Variants in RBFOX1 observed in about 807,000 individuals in gnomAD.
RBFOX1 encodes RNA binding fox-1 homolog 1, also known as RNA binding protein fox-1 homolog 1.
In RBFOX1, 8 loss-of-function variants were observed where a neutral mutation model predicts 57.7. The ratio of observed to expected loss-of-function variants is 0.14; its 90% confidence interval spans 0.08 to 0.25. The LOEUF (loss-of-function observed/expected upper bound fraction) is 0.25. Among genes scored for constraint, RBFOX1 ranks in the 10% least tolerant of loss-of-function variants. RBFOX1 has a pLI of 1.00. For synonymous variants in RBFOX1, 326 were observed against 222.4 expected, an observed-to-expected ratio of 1.47 and a Z score of -4.15; for missense variants, 611 against 548.5, an observed-to-expected ratio of 1.11 and a Z score of -1.14.
intron 3 of RBFOX1, among the ~76,000 whole-genome samples, chr16:5,764,553 G>C (rs1316081329): frequency 6.6e-6 from 1 of 152,148 alleles, no homozygotes; most frequent in Non-Finnish European, 1.5e-5. Context: ...ATTTCTCTAA[G>C]ATGCTAGAGA....
intron 2 of RBFOX1, among the ~76,000 whole-genome samples, chr16:6,563,892 ATATG>A (rs1265078656): frequency 6.6e-6 from 1 of 151,366 alleles, no homozygotes; most frequent in African/African-American, 2.4e-5. Flanking sequence ...GTGTGTGTGT[ATATG>A]TGCGTATATG....
intron 2 of RBFOX1, among the ~76,000 whole-genome samples, chr16:6,535,920 G>T (rs537605746): frequency 6.6e-6 from 1 of 152,226 alleles, no homozygotes; most frequent in Non-Finnish European, 1.5e-5. Context: ...TCTCCCTCTA[G>T]AGATGACACT....
intron 2 of RBFOX1, among the ~76,000 whole-genome samples, chr16:6,451,779 C>T (rs1430072373): frequency 6.6e-6 from 1 of 152,170 alleles, no homozygotes; most frequent in African/African-American, 2.4e-5. Context: ...CCCTGTGCTG[C>T]TCTTCCTCCC....
At chr16:6,931,102 C>G (rs1026120447) in intron 3 of RBFOX1, among the ~76,000 whole-genome samples, 2 of 151,932 alleles carry the variant, frequency 1.3e-5, no homozygotes, top group African/African-American at 2.4e-5. Flanking sequence ...TGAATAAATA[C>G]TTATTGATTT....
At chr16:7,346,277 C>CAT (rs2097003134) in intron 4 of RBFOX1, among the ~76,000 whole-genome samples, 1 of 151,938 alleles carries the variant, frequency 6.6e-6, no homozygotes, top group African/African-American at 2.4e-5. Flanking sequence ...CCACATGGGA[C>CAT]ACACACACCA....
In RBFOX1 at chr16:7,259,401, G is replaced by C. The variant is rs974885649; in HGVS notation, c.27+207303G>C. Among the ~76,000 whole-genome samples, 3 of 151,964 alleles carry C rather than the reference G, an allele frequency of 2.0e-5. No individual in the cohort carries two copies. In the South Asian group the frequency reaches 6.2e-4, roughly 32 times the overall value. ...CACATCACATATAAGATATTCCTAGGGCAGGAACTTTTTTTTTAATGAGTG... is the reference window on the plus strand; with the variant it reads ...CACATCACATATAAGATATTCCTAGCGCAGGAACTTTTTTTTTAATGAGTG... On this transcript the variant is annotated intron_variant, in intron 4 of 15. Coordinates refer to ENST00000550418, the MANE Select transcript of RBFOX1 (RefSeq NM_018723.4).
At chr16:5,351,475 C>A (rs1401936703) in intron 1 of RBFOX1, among the ~76,000 whole-genome samples, 2 of 152,176 alleles carry the variant, frequency 1.3e-5, no homozygotes, top group Non-Finnish European at 2.9e-5. Flanking sequence ...TTAACCATAT[C>A]ATTGAACTGA....
intron 4 of RBFOX1, among the ~76,000 whole-genome samples, chr16:5,987,256 T>A (rs1486116685): frequency 6.6e-6 from 1 of 152,214 alleles, no homozygotes; most frequent in East Asian, 1.9e-4. Context: ...GTTTTGAAAG[T>A]TATTTTTATA....
chr16:5,921,888 A>C (rs184144148), intron 4 of RBFOX1, among the ~76,000 whole-genome samples: 1 of 152,146 alleles, frequency 6.6e-6, no homozygotes, highest in Non-Finnish European at 1.5e-5. Flanking sequence ...GTGGTGGCTT[A>C]GGCCTGTAAT....
At chr16:7,160,986 G>A (rs565985769) in intron 4 of RBFOX1, among the ~76,000 whole-genome samples, 84 of 152,188 alleles carry the variant, frequency 5.5e-4, no homozygotes, top group Non-Finnish European at 1.1e-3. Flanking sequence ...GGAAAAAGAA[G>A]CTAACCCTTT....
intron 2 of RBFOX1, among the ~76,000 whole-genome samples, chr16:5,564,692 A>T (rs905000425): frequency 3.9e-5 from 6 of 152,154 alleles, no homozygotes; most frequent in Admixed American, 3.3e-4. Context: ...GCTTTCTGGC[A>T]AGCATCCAGG....
intron 4 of RBFOX1, among the ~76,000 whole-genome samples, chr16:7,304,013 C>G (rs1185748586): frequency 2.0e-5 from 3 of 151,848 alleles, no homozygotes; most frequent in Admixed American, 6.6e-5. Context: ...GATCAAAAAG[C>G]AGGCCCAACA....
chr16:7,126,794 G>A (rs1007816146), intron 4 of RBFOX1, among the ~76,000 whole-genome samples: 1 of 151,988 alleles, frequency 6.6e-6, no homozygotes, highest in African/African-American at 2.4e-5. Flanking sequence ...TTTGAGATCA[G>A]CCAAAGATTT....
intron 4 of RBFOX1, among the ~76,000 whole-genome samples, chr16:7,443,415 TCAAGAGC>T (rs2098784556): frequency 6.6e-6 from 1 of 151,970 alleles, no homozygotes; most frequent in Non-Finnish European, 1.5e-5. Flanking sequence ...AGCTCTGGCT[TCAAGAGC>T]TCCCCCTCCC....
At chr16:7,124,985 C>T (rs1279031384) in intron 4 of RBFOX1, among the ~76,000 whole-genome samples, 1 of 152,094 alleles carries the variant, frequency 6.6e-6, no homozygotes, top group African/African-American at 2.4e-5. Context: ...TGTGTCTGCT[C>T]ACGGACTGAG....
chr16:7,304,294 A>G, intron 4 of RBFOX1: 2 of 985,224 alleles, frequency 2.0e-6, no homozygotes, highest in Non-Finnish European at 2.4e-6. Flanking sequence ...CAAAATTAAA[A>G]AAGAAAAAAA....
intron 2 of RBFOX1, among the ~76,000 whole-genome samples, chr16:6,572,106 T>C (rs1018382332): frequency 6.6e-6 from 1 of 152,290 alleles, no homozygotes. Flanking sequence ...CGTTCCAGGG[T>C]CTCTTTATGT....
At chr16:6,691,268 C>G (rs1053625146) in intron 3 of RBFOX1, among the ~76,000 whole-genome samples, 4 of 152,076 alleles carry the variant, frequency 2.6e-5, no homozygotes, top group Non-Finnish European at 5.9e-5. Context: ...CAGAGCATCT[C>G]GATGTGTGCG....
chr16:6,207,763 C>G (rs1007194261), intron 1 of RBFOX1, among the ~76,000 whole-genome samples: 1 of 152,062 alleles, frequency 6.6e-6, no homozygotes, highest in African/African-American at 2.4e-5. Context: ...ATGTAAGTAA[C>G]TGTAGCCTCA....
Sources: allele counts gnomAD v4.1 joint callset (sites outside exome capture counted in the v4.1 genomes callset), GRCh38; gene constraint gnomAD v4.1.1; transcripts MANE v1.5; gene names NCBI Gene and HGNC (gene_info 2026-07-23, HGNC 2026-07-21).